The following DNAH17 variants were observed in gnomAD, a reference collection of about 807,000 sequenced individuals.
DNAH17 encodes dynein axonemal heavy chain 17.
Under a neutral mutation model 485.6 loss-of-function variants are expected in DNAH17, and 376 were observed. The observed-to-expected ratio is 0.77, with a 90% CI of 0.71 to 0.84. DNAH17 has a LOEUF of 0.84. Ranked by LOEUF, DNAH17 falls within the 40% of genes least tolerant of loss-of-function variation. DNAH17 has a pLI of 0.00. For missense variants in DNAH17, 6,370 were observed against 5,839.3 expected (o/e 1.09, Z -2.96); for synonymous variants, 3,031 against 2,405.9 (o/e 1.26, Z -7.60).
chr17:78,501,871 A>C lies in DNAH17; in HGVS notation c.5193T>G (p.Ile1731Met), dbSNP rs750895170. The C allele has an allele frequency of 4.3e-6, 7 of 1,613,896 alleles. No homozygotes were observed. Among genetic ancestry groups the C allele is most frequent in the East Asian group, 2.2e-5 (1 of 44,898 alleles). Residue 1731 changes from isoleucine (I) to methionine (M), a missense_variant and splice_region_variant, in exon 34 of 81, where the codon ATT (isoleucine) becomes ATG (methionine). Ile to Met is a conservative substitution (Grantham distance 10). Transcript: ENST00000389840. ...GCGTGATGAGTACGTTCAGCTGGCT[A>C]ATCTGCGGGGGAGAGTGCCTTCGAT... ...NAIRDYNKKQISQLNVLITLL... is the reference protein window; with the variant it reads ...NAIRDYNKKQMSQLNVLITLL...
chr17:78,426,979 T>C lies in DNAH17; in HGVS notation c.12718A>G (p.Ile4240Val), dbSNP rs769736657. The change falls in exon 78 of 81, where the codon ATC becomes GTC. Residue 4240 changes from isoleucine (I) to valine (V), a missense_variant. Coordinates refer to ENST00000389840, the MANE Select transcript of DNAH17 (RefSeq NM_173628.4). ...GAACGGCGCATTTCGTTGGTCAGGA[T>C]GTTCATTCTTTCACATTCTTGAAAG... The part of the protein sequence containing the change: ...VAFQECERMN[I>V]LTNEMRRSLK... 7.4e-6 allele frequency: 12 copies of C among 1,610,834 alleles called. No individual in the cohort carries two copies. In the South Asian group the frequency reaches 1.2e-4, roughly 16 times the overall value.
chr17:78,494,668 G>T lies in DNAH17; in HGVS notation c.6195C>A (p.Pro2065=), dbSNP rs148107688. 6.2e-7 allele frequency: 1 copy of T among 1,613,914 alleles called. No homozygotes were observed. The highest frequency in any genetic ancestry group is 1.3e-5 in the African/African-American group (1 of 75,042). ...GGTCCCCGATCAGTCCCATGAATACGGGCAGGTCGTCTGTCACAATCTTGG... is the reference window on the plus strand; with the variant it reads ...GGTCCCCGATCAGTCCCATGAATACTGGCAGGTCGTCTGTCACAATCTTGG... ...NIPKIVTDDL[P]VFMGLIGDLF... Residue 2065 remains proline, a synonymous_variant, in exon 40 of 81, where the codon CCC becomes CCA. Coordinates refer to ENST00000389840, the MANE Select transcript of DNAH17 (RefSeq NM_173628.4).
chr17:78,442,411 G>C (rs1362533847), intron 71 of DNAH17, among the ~76,000 whole-genome samples: 1 of 152,234 alleles, frequency 6.6e-6, no homozygotes, highest in African/African-American at 2.4e-5. Context: ...CCTCAGGCAA[G>C]GGTGGGGAGG....
chr17:78,479,711 GT>G lies in DNAH17; in HGVS notation c.7753-80del, dbSNP rs570760947. The G allele has an allele frequency of 3.1e-4, 485 of 1,585,350 alleles. 3 individuals carry two copies. The highest frequency in any genetic ancestry group is 1.7e-3 in the African/African-American group (123 of 74,176). On this transcript the variant is annotated intron_variant, in intron 49 of 80. Coordinates refer to ENST00000389840, the MANE Select transcript of DNAH17 (RefSeq NM_173628.4). ...GGGCCAGGGCCACCTTCGCGGGAGA[GT>G]GGCCCCTGTCCTCATGTTCTAAGGT...
chr17:78,427,253 T>C, intron 77 of DNAH17, 145 bp from the exon 78 acceptor site: 1 of 746,636 alleles, frequency 1.3e-6, no homozygotes. Context: ...AAATGCAGGG[T>C]CATGGGTGCA....
intron 7 of DNAH17, among the ~76,000 whole-genome samples, 167 bp from the exon 8 acceptor site, chr17:78,569,694 C>G (rs753447256): frequency 6.6e-6 from 1 of 152,256 alleles, no homozygotes; most frequent in Non-Finnish European, 1.5e-5. Flanking sequence ...GAGCTGCTTC[C>G]CCTCCTCGGC....
intron 19 of DNAH17, among the ~76,000 whole-genome samples, chr17:78,533,778 A>G (rs939287491): frequency 1.3e-5 from 2 of 152,050 alleles, no homozygotes; most frequent in African/African-American, 4.8e-5. Context: ...TCTGCCTCCC[A>G]GGTTCAAGTG....
intron 71 of DNAH17, among the ~76,000 whole-genome samples, 169 bp downstream of exon 71, chr17:78,444,435 G>A (rs144581761): frequency 0.01 from 1,537 of 152,320 alleles, 20 homozygotes; most frequent in Non-Finnish European, 0.017. Context: ...AACTTTGTGT[G>A]AAATGATTTA....
intron 48 of DNAH17, among the ~76,000 whole-genome samples, chr17:78,482,327 TTTTG>T (rs1306125178): frequency 2.6e-5 from 4 of 152,160 alleles, no homozygotes; most frequent in African/African-American, 4.8e-5. Flanking sequence ...CGCCCAGCAC[TTTTG>T]TTTTTTTCCC....
chr17:78,492,474 T>C (rs1001179106), intron 42 of DNAH17, among the ~76,000 whole-genome samples, 159 bp downstream of exon 42: 2 of 152,134 alleles, frequency 1.3e-5, no homozygotes, highest in Non-Finnish European at 2.9e-5. Context: ...CTGCTCCCCA[T>C]AAACTTTGTT....
At chr17:78,540,474 GATGT>G (rs1568220564) in intron 17 of DNAH17, among the ~76,000 whole-genome samples, 1 of 25,916 alleles carries the variant, frequency 3.9e-5, no homozygotes, top group Non-Finnish European at 7.7e-5. Context: ...TGGGTATGTG[GATGT>G]GTGAGTGGGT....
chr17:78,551,918 G>T (rs2091910491), intron 15 of DNAH17, among the ~76,000 whole-genome samples: 1 of 150,836 alleles, frequency 6.6e-6, no homozygotes, highest in African/African-American at 2.4e-5. Context: ...AGCCGAGATT[G>T]TGCCATTGTA....
rs753801862 is a variant in DNAH17, at chr17:78,507,479, G to A, written c.4563C>T (p.Asp1521=). The change falls in exon 28 of 81, where the codon GAC becomes GAT. Residue 1521 remains aspartate (D), a synonymous_variant. Coordinates refer to ENST00000389840, the MANE Select transcript of DNAH17 (RefSeq NM_173628.4). ...TQLPGDSQRF[D]DINQEFKALM... is the part of the protein sequence containing the mutation. Reference sequence around the variant, plus strand: ...TCACCTTGAATTCCTGGTTGATGTCGTCAAAGCGCTGGGAGTCCCCCGGGA... The same window carrying A: ...TCACCTTGAATTCCTGGTTGATGTCATCAAAGCGCTGGGAGTCCCCCGGGA... 14 of 1,612,556 alleles carry A rather than the reference G, an allele frequency of 8.7e-6. 1 individual carries two copies. The highest frequency in any genetic ancestry group is 2.7e-5 in the African/African-American group (2 of 74,930).
intron 25 of DNAH17, chr17:78,522,714 T>TCAAAGAGAGAC: frequency 5.0e-6 from 1 of 200,602 alleles, no homozygotes; most frequent in East Asian, 1.4e-4. Context: ...AAAAAAGACA[T>TCAAAGAGAGAC]CAAAGAGAGA....
In DNAH17 at chr17:78,451,416, C is replaced by G. The variant is rs1316991254; in HGVS notation, c.10734+53G>C. On this transcript the variant is annotated intron_variant, in intron 66 of 80. Coordinates refer to ENST00000389840, the MANE Select transcript of DNAH17 (RefSeq NM_173628.4). The stretch of plus-strand genomic sequence containing the variant: ...CGGGGACCCTCACAGTGACCTGGCC[C>G]CCTCTGTGTGGGACGGCACCTCCTC... The G allele has an allele frequency of 2.0e-6, 3 of 1,524,772 alleles. No homozygotes were observed. In the Admixed American group the frequency reaches 5.9e-5, roughly 30 times the overall value. The allele number at this position is 1,524,772 out of a possible 1,614,324, so 94.5% of individuals were successfully genotyped here.
intron 70 of DNAH17, among the ~76,000 whole-genome samples, chr17:78,445,201 G>A (rs931515591): frequency 2.7e-5 from 4 of 146,900 alleles, no homozygotes; most frequent in East Asian, 2.0e-4. Context: ...CCCTTACGCT[G>A]GGAGGAGGGG....
intron 64 of DNAH17, among the ~76,000 whole-genome samples, chr17:78,454,080 A>AGCACCGCTAGGAAGCAGG (rs1568073173): frequency 1.3e-5 from 2 of 152,138 alleles, no homozygotes; most frequent in African/African-American, 4.8e-5. Context: ...TGGATTTTCC[A>AGCACCGCTAGGAAGCAGG]GCACCGCTAG....
rs763660034 is a variant in DNAH17, at chr17:78,494,214, GC to G, written c.6271-42del. The stretch of plus-strand genomic sequence containing the variant: ...TGAGGCTGGGTGAGGAACTGAAGCA[GC>G]TTTTCTTTCTTCTCGCTGGGAGGCT... On this transcript the variant is annotated intron_variant, in intron 40 of 80. Transcript: ENST00000389840. 4.2e-5 allele frequency: 67 copies of G among 1,583,954 alleles called. No individual in the cohort carries two copies. In the Middle Eastern group the frequency reaches 5.0e-4, roughly 12 times the overall value.
In DNAH17 at chr17:78,494,744, C is replaced by T; in HGVS notation, c.6119G>A (p.Ser2040Asn). The T allele has an allele frequency of 6.2e-7, 1 of 1,613,734 alleles. No individual in the cohort carries two copies. Among genetic ancestry groups the T allele is most frequent in the Non-Finnish European group, 8.5e-7 (1 of 1,179,862 alleles). ...VAGSLKRGDP[S>N]RAEDQVLMRA... Reference sequence around the variant, plus strand: ...CATGAGCACCTGGTCCTCTGCCCGGCTGGGGTCGCCCCTCTTCAGGGAGCC... The same window carrying T: ...CATGAGCACCTGGTCCTCTGCCCGGTTGGGGTCGCCCCTCTTCAGGGAGCC... Residue 2040 changes from serine to asparagine, a missense_variant, in exon 40 of 81, where the codon AGC becomes AAC. Coordinates refer to ENST00000389840, the MANE Select transcript of DNAH17 (RefSeq NM_173628.4).
Sources: gnomAD v4.1 joint callset for allele counts (sites outside exome capture counted in the v4.1 genomes callset) on GRCh38, gnomAD v4.1.1 for gene constraint, MANE v1.5 for transcripts, NCBI Gene and HGNC (gene_info 2026-07-23, HGNC 2026-07-21) for gene names.